Variants in REDIC1 observed in about 807,000 individuals in gnomAD.
The protein encoded by REDIC1 is regulator of DNA class I crossover intermediates 1.
the REDIC1 span, among the ~76,000 whole-genome samples, chr12:39,794,557 C>T: frequency 6.6e-6 from 1 of 152,198 alleles, no homozygotes; most frequent in African/African-American, 2.4e-5. Context: ...CAGACAACCA[C>T]AGACAACTGT....
the REDIC1 span, among the ~76,000 whole-genome samples, chr12:39,860,459 T>C: frequency 3.3e-5 from 5 of 152,210 alleles, no homozygotes; most frequent in Non-Finnish European, 7.3e-5. Context: ...ATGGACTTAA[T>C]TATCATGCAT....
chr12:39,705,979 C>A, the REDIC1 span, among the ~76,000 whole-genome samples: 2 of 151,610 alleles, frequency 1.3e-5, no homozygotes, highest in African/African-American at 4.9e-5. Flanking sequence ...GAGCATGAGA[C>A]AAGAGAAAGA....
At chr12:39,779,532 T>C in the REDIC1 span, among the ~76,000 whole-genome samples, 41 of 152,324 alleles carry the variant, frequency 2.7e-4, no homozygotes, top group Admixed American at 1.2e-3. Context: ...ATTTTACACA[T>C]AGTCAATAGC....
chr12:39,657,881 TTTA>T, the REDIC1 span, among the ~76,000 whole-genome samples: 3 of 152,230 alleles, frequency 2.0e-5, no homozygotes, highest in African/African-American at 7.2e-5. Flanking sequence ...TGCTTTTCTA[TTTA>T]TTATTTTCTT....
chr12:39,655,197 A>G, the REDIC1 span, among the ~76,000 whole-genome samples: 1 of 151,796 alleles, frequency 6.6e-6, no homozygotes, highest in Non-Finnish European at 1.5e-5. Flanking sequence ...AATTTTCTCA[A>G]TTGTTTTTCT....
At chr12:39,839,061 T>C in the REDIC1 span, among the ~76,000 whole-genome samples, 29 of 152,188 alleles carry the variant, frequency 1.9e-4, no homozygotes, top group African/African-American at 6.5e-4. Context: ...TGACACCTAT[T>C]TTGTGCAATA....
chr12:39,815,474 C>T, the REDIC1 span, among the ~76,000 whole-genome samples: 1 of 152,180 alleles, frequency 6.6e-6, no homozygotes, highest in Non-Finnish European at 1.5e-5. Flanking sequence ...TCTTTCTTTT[C>T]ACCTATTACT....
the REDIC1 span, among the ~76,000 whole-genome samples, chr12:39,839,323 C>T: frequency 6.6e-6 from 1 of 151,970 alleles, no homozygotes; most frequent in African/African-American, 2.4e-5. Flanking sequence ...CGGTTGATTT[C>T]CTCTCCCTGT....
At chr12:39,904,001 T>C in the REDIC1 span, among the ~76,000 whole-genome samples, 1 of 152,066 alleles carries the variant, frequency 6.6e-6, no homozygotes, top group Non-Finnish European at 1.5e-5. Flanking sequence ...GCTTGCAATC[T>C]AGATTCTGTC....
chr12:39,681,852 T>C, the REDIC1 span, among the ~76,000 whole-genome samples: 1 of 152,156 alleles, frequency 6.6e-6, no homozygotes, highest in Non-Finnish European at 1.5e-5. Context: ...CTGTGGTTTT[T>C]TTTCCTAATT....
chr12:39,800,112 A>G, the REDIC1 span, among the ~76,000 whole-genome samples: 1 of 152,238 alleles, frequency 6.6e-6, no homozygotes, highest in Non-Finnish European at 1.5e-5. Context: ...ATAAAAAATC[A>G]GGGCAACTCT....
chr12:39,626,329 T>A, the REDIC1 span: 7 of 1,614,002 alleles, frequency 4.3e-6, no homozygotes, highest in South Asian at 3.3e-5. Context: ...GTCAAAAGAT[T>A]TGGGAAGATG....
chr12:39,883,365 C>A, the REDIC1 span, among the ~76,000 whole-genome samples: 1 of 152,152 alleles, frequency 6.6e-6, no homozygotes, highest in Non-Finnish European at 1.5e-5. Flanking sequence ...GCCCTCATGG[C>A]TGGAGAAGAG....
chr12:39,815,073 AT>A, the REDIC1 span, among the ~76,000 whole-genome samples: 2,531 of 152,132 alleles, frequency 0.017, 69 homozygotes, highest in African/African-American at 0.055. Context: ...CAAACTAAGG[AT>A]TAGAGAAGTA....
chr12:39,797,722 T>C, the REDIC1 span, among the ~76,000 whole-genome samples: 1 of 127,290 alleles, frequency 7.9e-6, no homozygotes, highest in Non-Finnish European at 1.6e-5. Flanking sequence ...AAGCCAGTTA[T>C]GGTAAACACA....
the REDIC1 span, among the ~76,000 whole-genome samples, chr12:39,752,560 G>A: frequency 6.6e-6 from 1 of 152,146 alleles, no homozygotes; most frequent in Non-Finnish European, 1.5e-5. Flanking sequence ...ATGATACCAT[G>A]AAGAAAATGA....
chr12:39,804,830 C>A, the REDIC1 span, among the ~76,000 whole-genome samples: 4 of 152,046 alleles, frequency 2.6e-5, no homozygotes, highest in South Asian at 2.1e-4. Flanking sequence ...GAATTATATA[C>A]CCTAAAGAGA....
At chr12:39,748,250 T>TA in the REDIC1 span, among the ~76,000 whole-genome samples, 179 of 151,142 alleles carry the variant, frequency 1.2e-3, no homozygotes, top group Non-Finnish European at 2.0e-3. Context: ...AAATGGAAAA[T>TA]AAAAAAAGGC....
At chr12:39,896,445 T>C in the REDIC1 span, among the ~76,000 whole-genome samples, 3 of 142,930 alleles carry the variant, frequency 2.1e-5, no homozygotes, top group South Asian at 2.2e-4. Flanking sequence ...TACATATATG[T>C]ATATGTGTGT....
Sources: gnomAD v4.1 joint callset for allele counts (sites outside exome capture counted in the v4.1 genomes callset) on GRCh38, gnomAD v4.1.1 for gene constraint, MANE v1.5 for transcripts, NCBI Gene and HGNC (gene_info 2026-07-23, HGNC 2026-07-21) for gene names.